CCDC30: variants seen among roughly 807,000 people sequenced by gnomAD.
CCDC30 encodes coiled-coil domain-containing protein 30.
In CCDC30, 70 loss-of-function variants were observed where a neutral mutation model predicts 100.2. The observed-to-expected ratio is 0.70, with a 90% confidence interval of 0.58 to 0.85. CCDC30 has a LOEUF of 0.85. CCDC30 is among the 40% of genes least tolerant of loss of function. The pLI is 0.00. For missense variants in CCDC30, 652 were observed against 771.2 expected (o/e 0.85, Z 1.83); for synonymous variants, 233 against 269.5 (o/e 0.86, Z 1.33).
Position 42,581,094 on chromosome 1 carries a change from G to A in CCDC30, c.847-266G>A, listed in dbSNP as rs367656990. The A allele has an allele frequency of 3.8e-4, 144 of 381,334 alleles. 2 individuals carry two copies. The highest frequency in any genetic ancestry group is 3.4e-3 in the South Asian group (137 of 40,310). 23.6% of individuals were successfully genotyped at this position (381,334 alleles called of 1,614,324 possible). The stretch of plus-strand genomic sequence containing the variant: ...AGGCTCAAGCGATTCACCCAGCTCA[G>A]CCTCCCACAGTTCTGGGATTACAGG... On this transcript the variant is annotated intron_variant, in intron 8 of 16. Coordinates refer to ENST00000668663, the Ensembl canonical transcript of CCDC30.
At chr1:42,507,186 C>T (rs1417296831) in intron 6 of CCDC30, among the ~76,000 whole-genome samples, 4 of 152,202 alleles carry the variant, frequency 2.6e-5, no homozygotes, top group Non-Finnish European at 4.4e-5. Flanking sequence ...CTTGGCCTCC[C>T]AGAGTGCTGG....
intron 2 of CCDC30, among the ~76,000 whole-genome samples, chr1:42,482,004 G>A (rs1389310250): frequency 6.6e-6 from 1 of 152,106 alleles, no homozygotes; most frequent in Non-Finnish European, 1.5e-5. Context: ...GGATCACGAG[G>A]TCAGGAGTTC....
At chr1:42,653,027 T>C (rs1254495946) in intron 15 of CCDC30, among the ~76,000 whole-genome samples, 1 of 152,210 alleles carries the variant, frequency 6.6e-6, no homozygotes, top group Non-Finnish European at 1.5e-5. Context: ...GAAAACTTTA[T>C]AGTATGTGAA....
intron 8 of CCDC30, among the ~76,000 whole-genome samples, chr1:42,579,946 A>AG (rs1645927751): frequency 6.6e-6 from 1 of 152,036 alleles, no homozygotes; most frequent in Non-Finnish European, 1.5e-5. Flanking sequence ...CTCAAAAAAA[A>AG]AAAACCTCTC....
intron 10 of CCDC30, chr1:42,594,512 T>A (rs1332339557): frequency 1.3e-5 from 2 of 151,916 alleles, no homozygotes; most frequent in Admixed American, 6.6e-5. Flanking sequence ...AGACCTCAAG[T>A]GAAAAAAGAA....
chr1:42,468,704 AAAC>A (rs1643669120), intron 1 of CCDC30: 1 of 152,216 alleles, frequency 6.6e-6, no homozygotes, highest in Admixed American at 6.5e-5. Context: ...TTAATCTTTC[AAAC>A]AACAGAGTGA....
intron 10 of CCDC30, among the ~76,000 whole-genome samples, chr1:42,606,495 C>T (rs1344745747): frequency 6.6e-6 from 1 of 152,142 alleles, no homozygotes; most frequent in Non-Finnish European, 1.5e-5. Flanking sequence ...CCAGGCTTGT[C>T]TCGAACTCCT....
At chr1:42,475,541 A>G (rs1643872968) in intron 1 of CCDC30, among the ~76,000 whole-genome samples, 1 of 152,170 alleles carries the variant, frequency 6.6e-6, no homozygotes. Context: ...AATTCTAGAA[A>G]TTAACATATG....
intron 11 of CCDC30, among the ~76,000 whole-genome samples, chr1:42,612,612 T>TG (rs1051991729): frequency 5.3e-5 from 8 of 152,208 alleles, no homozygotes; most frequent in East Asian, 1.9e-4. Flanking sequence ...AGAGACTTCT[T>TG]GGGGGTCTCA....
exon 8 of CCDC30, chr1:42,577,188 C>G: frequency 6.2e-7 from 1 of 1,614,074 alleles, no homozygotes; most frequent in Non-Finnish European, 8.5e-7. Flanking sequence ...ACAGGAAAAG[C>G]TGGTTCAGGA....
At chr1:42,513,653 T>G (rs548930540) in intron 6 of CCDC30, among the ~76,000 whole-genome samples, 17 of 152,326 alleles carry the variant, frequency 1.1e-4, no homozygotes, top group African/African-American at 3.8e-4. Flanking sequence ...GGGGGTGCTT[T>G]TCATGAAAAG....
chr1:42,603,408 T>C (rs4660230), intron 10 of CCDC30, among the ~76,000 whole-genome samples: 57,940 of 152,004 alleles, frequency 0.38, 11,787 homozygotes, highest in Non-Finnish European at 0.45. Context: ...TATGTTTCAA[T>C]AGGAATTTTG....
rs754535580 is a variant in CCDC30, at chr1:42,516,181, A to G, written c.456+17265A>G. ...CCACCAACCGTGTAGAATCATACTA[A>G]TTTCTCCACATCATTGCCAACATTT... is the stretch of plus-strand genomic sequence containing the variant. On this transcript the variant is annotated intron_variant, in intron 6 of 16. Transcript: ENST00000668663. Among the ~76,000 whole-genome samples the G allele has an allele frequency of 3.3e-5, 5 of 152,226 alleles. No individual in the cohort carries two copies. The East Asian group carries it at 5.8e-4, about 18-fold the overall frequency.
At chr1:42,504,494 G>A (rs897879790) in intron 6 of CCDC30, among the ~76,000 whole-genome samples, 1 of 152,230 alleles carries the variant, frequency 6.6e-6, no homozygotes, top group Non-Finnish European at 1.5e-5. Flanking sequence ...GCATGTCGAT[G>A]CATGGTTCTG....
At chr1:42,581,753 T>C (rs1460847255) in intron 9 of CCDC30, among the ~76,000 whole-genome samples, 1 of 152,202 alleles carries the variant, frequency 6.6e-6, no homozygotes, top group Non-Finnish European at 1.5e-5. Context: ...TTATTTCTTC[T>C]GGTTCTGGGG....
At chr1:42,518,221 C>G (rs11210659) in intron 6 of CCDC30, among the ~76,000 whole-genome samples, 149,247 of 152,272 alleles carry the variant, frequency 0.98, 73,209 homozygotes, top group East Asian at 1. Flanking sequence ...CATTCTTTTT[C>G]ATGCTATTAT....
rs574263432 is a variant in CCDC30, at chr1:42,479,137, A to G, written c.-91-1324A>G. ...GCACCTGTAATCTCAGCACTTTGGGAGGCCGAGTTGGGCGGATCACCGGAG... is the reference window on the plus strand; with the variant it reads ...GCACCTGTAATCTCAGCACTTTGGGGGGCCGAGTTGGGCGGATCACCGGAG... On this transcript the variant is annotated intron_variant, in intron 1 of 16. Coordinates refer to ENST00000668663, the Ensembl canonical transcript of CCDC30. Among the ~76,000 whole-genome samples the G allele has an allele frequency of 2.0e-5, 3 of 152,292 alleles. No individual in the cohort carries two copies. In the East Asian group the frequency reaches 5.8e-4, roughly 29 times the overall value.
chr1:42,591,024 T>A (rs1646176414), intron 10 of CCDC30: 1 of 152,274 alleles, frequency 6.6e-6, no homozygotes, highest in East Asian at 1.9e-4. Context: ...AGATGTGGCC[T>A]GACTCCTTGT....
chr1:42,519,135 C>T (rs1039918626), intron 6 of CCDC30, among the ~76,000 whole-genome samples: 4 of 152,108 alleles, frequency 2.6e-5, no homozygotes, highest in Non-Finnish European at 4.4e-5. Flanking sequence ...CTGAATTCTA[C>T]TTGGTCATGG....
Sources: gnomAD v4.1 joint callset for allele counts (sites outside exome capture counted in the v4.1 genomes callset) on GRCh38, gnomAD v4.1.1 for gene constraint, MANE v1.5 for transcripts, NCBI Gene and HGNC (gene_info 2026-07-23, HGNC 2026-07-21) for gene names.